Variants in PKD2L2 observed in about 807,000 individuals in gnomAD.
PKD2L2 encodes polycystin 2 like 2, transient receptor potential cation channel, also known as polycystin-2-like protein 2.
PKD2L2 carries 67 observed loss-of-function variants against 83.9 expected under a neutral mutation model. That is an observed-to-expected ratio of 0.80 (90% CI 0.66 to 0.98). The LOEUF (loss-of-function observed/expected upper bound fraction) is 0.98. PKD2L2 is among the 50% of genes least tolerant of loss of function. The probability of loss-of-function intolerance (pLI) is 0.00; values close to 1 mark genes in which losing one functional copy is unlikely to be tolerated. For missense variants in PKD2L2, 632 were observed against 717.2 expected (o/e 0.88, Z 1.36); for synonymous variants, 223 against 237.8 (o/e 0.94, Z 0.57).
In PKD2L2 at chr5:137,908,918, G is replaced by C. The variant is rs1757578800; in HGVS notation, c.1300G>C (p.Asp434His). The change falls in exon 8 of 15, where the codon GAT becomes CAT. Residue 434 changes from aspartate (D) to histidine (H), a missense_variant. Coordinates refer to ENST00000508883, the MANE Select transcript of PKD2L2 (RefSeq NM_001300921.2). ...LGFLVFGSQV[D>H]DFSTFQNSIF... ...ATTTCTTGTTTTTGGATCACAAGTT[G>C]ATGACTTTTCCACTTTTCAGAATTC... 6.2e-7 allele frequency: 1 copy of C among 1,607,610 alleles called. No homozygotes were observed. Among genetic ancestry groups the C allele is most frequent in the Non-Finnish European group, 8.5e-7 (1 of 1,176,062 alleles).
intron 12 of PKD2L2, among the ~76,000 whole-genome samples, chr5:137,927,543 GAA>G (rs1267594889): frequency 6.1e-4 from 93 of 152,302 alleles, no homozygotes; most frequent in African/African-American, 2.2e-3. Flanking sequence ...ACTTGAAAGA[GAA>G]ACAGAGGATT....
chr5:137,919,958 G>A (rs1185009495), intron 8 of PKD2L2, among the ~76,000 whole-genome samples: 1 of 152,092 alleles, frequency 6.6e-6, no homozygotes, highest in African/African-American at 2.4e-5. Flanking sequence ...AGCACTTTGG[G>A]AGCCCAAGGC....
intron 12 of PKD2L2, 94 bp downstream of exon 12, chr5:137,926,023 GT>G: frequency 1.5e-6 from 1 of 652,760 alleles, no homozygotes; most frequent in Non-Finnish European, 2.7e-6. Context: ...ATGATTTGCT[GT>G]TTTTCAGAAT....
intron 6 of PKD2L2, among the ~76,000 whole-genome samples, chr5:137,907,369 A>T (rs1303571594): frequency 6.6e-6 from 1 of 152,170 alleles, no homozygotes; most frequent in Non-Finnish European, 1.5e-5. Flanking sequence ...ATTTTTTGTA[A>T]TTGTAAATTG....
chr5:137,910,303 A>C (rs1757721108), intron 8 of PKD2L2, among the ~76,000 whole-genome samples: 1 of 150,902 alleles, frequency 6.6e-6, no homozygotes, highest in Non-Finnish European at 1.5e-5. Context: ...CATTGAATAC[A>C]GATGTAATAA....
At chr5:137,895,314 A>T (rs552747079) in intron 4 of PKD2L2, among the ~76,000 whole-genome samples, 2 of 151,966 alleles carry the variant, frequency 1.3e-5, no homozygotes, top group South Asian at 4.2e-4. Flanking sequence ...CAGAAAATTT[A>T]AAAATTAGCC....
chr5:137,936,105 T>C (rs915744027), intron 13 of PKD2L2, among the ~76,000 whole-genome samples, 196 bp downstream of exon 13: 2 of 152,212 alleles, frequency 1.3e-5, no homozygotes, highest in Non-Finnish European at 1.5e-5. Context: ...ATCCCTGTTA[T>C]CTCTAAATAA....
intron 14 of PKD2L2, among the ~76,000 whole-genome samples, chr5:137,940,857 A>G (rs1761515663): frequency 6.6e-6 from 1 of 152,216 alleles, no homozygotes; most frequent in Admixed American, 6.5e-5. Flanking sequence ...TTTTCTCCCA[A>G]TAATACAATG....
At chr5:137,925,002 T>C (rs1759254633) in intron 10 of PKD2L2, 38 bp from the exon 11 acceptor site, 1 of 1,138,092 alleles carries the variant, frequency 8.8e-7, no homozygotes, top group Non-Finnish European at 1.3e-6. Flanking sequence ...CAAGGATATA[T>C]TTTAATGCAT....
Position 137,907,762 on chromosome 5 carries a change from C to T in PKD2L2, c.996C>T (p.Ser332=). 1.3e-6 allele frequency: 2 copies of T among 1,523,302 alleles called. No individual in the cohort carries two copies. Among genetic ancestry groups the T allele is most frequent in the Middle Eastern group, 1.7e-4 (1 of 5,724 alleles). The allele number at this position is 1,523,302 out of a possible 1,614,324, so 94.4% of individuals were successfully genotyped here. A position where few individuals can be genotyped will look rare whatever the true frequency, so the allele number is the denominator to read the frequency against. Residue 332 remains serine (S), a synonymous_variant, in exon 7 of 15, where the codon TCC becomes TCT. Coordinates refer to ENST00000508883, the MANE Select transcript of PKD2L2 (RefSeq NM_001300921.2). The part of the protein sequence containing the change: ...LLLLLCFVAV[S]FNTYYNVQIF... ...TTTAGTTGTGTTTTGTGGCTGTTTC[C>T]TTCAACACATACTATAATGTACAAA...
chr5:137,931,003 AAAGT>A (rs1759830602), intron 12 of PKD2L2, among the ~76,000 whole-genome samples: 1 of 152,176 alleles, frequency 6.6e-6, no homozygotes, highest in Non-Finnish European at 1.5e-5. Context: ...ATAAACATAC[AAAGT>A]AAGAAATTAC....
chr5:137,935,251 T>C (rs1436433452), intron 12 of PKD2L2, among the ~76,000 whole-genome samples: 1 of 152,144 alleles, frequency 6.6e-6, no homozygotes, highest in Non-Finnish European at 1.5e-5. Flanking sequence ...GTGAGAACAG[T>C]GCACAGGAAG....
intron 5 of PKD2L2, 114 bp downstream of exon 5, chr5:137,899,851 A>T (rs1412232956): frequency 2.0e-6 from 1 of 511,480 alleles, no homozygotes; most frequent in Non-Finnish European, 3.5e-6. Flanking sequence ...GTCCACTTAG[A>T]TATGGATTTT....
At chr5:137,896,812 TATATC>T (rs1248063325) in intron 4 of PKD2L2, among the ~76,000 whole-genome samples, 2 of 152,084 alleles carry the variant, frequency 1.3e-5, no homozygotes, top group African/African-American at 2.4e-5. Context: ...TCAATATAGT[TATATC>T]ATAATTATTG....
At chr5:137,916,333 A>G (rs1758341778) in intron 8 of PKD2L2, among the ~76,000 whole-genome samples, 1 of 151,640 alleles carries the variant, frequency 6.6e-6, no homozygotes, top group Admixed American at 6.6e-5. Flanking sequence ...GCACCATCAT[A>G]CCCAGCTAAT....
intron 9 of PKD2L2, among the ~76,000 whole-genome samples, chr5:137,922,458 C>A (rs559007121): frequency 3.3e-5 from 5 of 152,290 alleles, no homozygotes; most frequent in Non-Finnish European, 4.4e-5. Flanking sequence ...ACATCCTTGG[C>A]TGGACGCAGT....
chr5:137,905,134 ATAAGAT>A (rs1157087432), intron 5 of PKD2L2, among the ~76,000 whole-genome samples: 4 of 152,216 alleles, frequency 2.6e-5, no homozygotes, highest in African/African-American at 9.7e-5. Context: ...CCCTTGTAAT[ATAAGAT>A]TAAGTCCAGA....
intron 8 of PKD2L2, among the ~76,000 whole-genome samples, chr5:137,916,238 C>G (rs182942173): frequency 1.6e-3 from 240 of 151,788 alleles, no homozygotes; most frequent in Non-Finnish European, 1.6e-3. Flanking sequence ...TGCAGTGGCA[C>G]GATCTCGGCT....
intron 8 of PKD2L2, among the ~76,000 whole-genome samples, chr5:137,919,952 C>T (rs1485639286): frequency 6.6e-6 from 1 of 152,194 alleles, no homozygotes; most frequent in African/African-American, 2.4e-5. Context: ...AATTCCAGCA[C>T]TTTGGGAGCC....
Sources: allele counts gnomAD v4.1 joint callset (sites outside exome capture counted in the v4.1 genomes callset), GRCh38; gene constraint gnomAD v4.1.1; transcripts MANE v1.5; gene names NCBI Gene and HGNC (gene_info 2026-07-23, HGNC 2026-07-21).